The following MAP4K4 variants were observed in gnomAD, a reference collection of about 807,000 sequenced individuals.
MAP4K4 encodes the protein mitogen-activated protein kinase kinase kinase kinase 4, also known as HPK/GCK-like kinase HGK.
A neutral mutation model predicts 189.6 loss-of-function variants in MAP4K4; 38 were observed. The observed-to-expected ratio is 0.20, with a 90% CI of 0.15 to 0.26. MAP4K4 has a LOEUF of 0.26. MAP4K4 is among the 10% of genes least tolerant of loss of function. The pLI is 1.00. For missense variants in MAP4K4, 1,054 were observed against 1,726.9 expected (o/e 0.61, Z 6.91); for synonymous variants, 610 against 624.3 (o/e 0.98, Z 0.34).
chr2:101,782,733 C>G (rs572703509), intron 2 of MAP4K4, among the ~76,000 whole-genome samples: 1 of 152,092 alleles, frequency 6.6e-6, no homozygotes, highest in Non-Finnish European at 1.5e-5. Flanking sequence ...TTTAGAAGAC[C>G]GAGATGTTTC....
At chr2:101,826,233 A>G (rs553658051) in intron 5 of MAP4K4, among the ~76,000 whole-genome samples, 1 of 152,178 alleles carries the variant, frequency 6.6e-6, no homozygotes, top group Non-Finnish European at 1.5e-5. Flanking sequence ...AAAAACTTAA[A>G]GTAACTAATA....
rs187307160 is a variant in MAP4K4 at position 101,840,284 on chromosome 2, C to T, written c.949+290C>T. On this transcript the variant is annotated intron_variant, in intron 10 of 32. Coordinates refer to ENST00000324219, the Ensembl canonical transcript of MAP4K4. ...TGTTGCTGCCCATTTTACTTCCTTACGGATGTGTTCATGGTATATTTCACT... is the reference window on the plus strand; with the variant it reads ...TGTTGCTGCCCATTTTACTTCCTTATGGATGTGTTCATGGTATATTTCACT... Among the ~76,000 whole-genome samples, 380 of 152,230 alleles carry T rather than the reference C, an allele frequency of 2.5e-3. 7 individuals are homozygous for T. Among genetic ancestry groups the T allele is most frequent in the Admixed American group, 0.011 (174 of 15,282 alleles).
chr2:101,835,776 C>G lies in MAP4K4; in HGVS notation c.695-124C>G, dbSNP rs532313156. On this transcript the variant is annotated intron_variant, in intron 8 of 32. Transcript: ENST00000324219. Reference sequence around the variant, plus strand: ...AGTTCATAACTAGATGTCTAGACTGCTTGGTATGAAGCCTGTCAGTCAGAC... The same window carrying G: ...AGTTCATAACTAGATGTCTAGACTGGTTGGTATGAAGCCTGTCAGTCAGAC... 1.4e-5 allele frequency: 9 copies of G among 632,318 alleles called. No homozygotes were observed. The African/African-American group carries it at 1.6e-4, about 12-fold the overall frequency. 39.2% of individuals were successfully genotyped at this position (632,318 alleles called of 1,614,324 possible).
At chr2:101,844,439 T>G (rs941186631) in intron 12 of MAP4K4, 128 bp downstream of exon 12, 1 of 734,832 alleles carries the variant, frequency 1.4e-6, no homozygotes, top group Non-Finnish European at 2.2e-6. Context: ...CACAGCTGTT[T>G]ACATAACTTG....
rs148497412 is a variant in MAP4K4 at position 101,879,069 on chromosome 2, C to T, written c.3385+1923C>T. Among the ~76,000 whole-genome samples, 199 of 151,826 alleles carry T rather than the reference C, an allele frequency of 1.3e-3. 1 individual carries two copies. The highest frequency in any genetic ancestry group is 4.7e-3 in the African/African-American group (195 of 41,420). Reference sequence around the variant, plus strand: ...CTGAGACCAGGTGCGGTGGCGTATGCCTGTAATCCCAGCAATCTGAGAGGC... The same window carrying T: ...CTGAGACCAGGTGCGGTGGCGTATGTCTGTAATCCCAGCAATCTGAGAGGC... On this transcript the variant is annotated intron_variant, in intron 27 of 32. Transcript: ENST00000324219.
chr2:101,873,099 C>T (rs1472525804), intron 24 of MAP4K4, among the ~76,000 whole-genome samples: 2 of 152,154 alleles, frequency 1.3e-5, no homozygotes, highest in South Asian at 4.1e-4. Flanking sequence ...GTCATTTGCA[C>T]CTTTCACTAA....
At chr2:101,851,724 CT>C (rs36217584) in intron 12 of MAP4K4, among the ~76,000 whole-genome samples, 1,138 of 67,042 alleles carry the variant, frequency 0.017, no homozygotes, top group Non-Finnish European at 0.026. Context: ...TAACTGTCCT[CT>C]TTTTTTTTTT....
chr2:101,845,580 C>T (rs968590454), intron 12 of MAP4K4, among the ~76,000 whole-genome samples: 12 of 152,236 alleles, frequency 7.9e-5, no homozygotes, highest in African/African-American at 2.6e-4. Context: ...GTGCCTTATA[C>T]TGTAGGCAGT....
intron 2 of MAP4K4, among the ~76,000 whole-genome samples, chr2:101,761,934 C>T (rs1168720961): frequency 6.6e-6 from 1 of 152,142 alleles, no homozygotes; most frequent in Admixed American, 6.5e-5. Context: ...GGTGCTGAGT[C>T]AGGGCAGACA....
rs79538056 is a variant in MAP4K4, at chr2:101,888,972, A to G, written c.4071+37A>G. ...CTTATGGATTCTTTTTAGTTGCTCT[A>G]TCTTTTAATAATGGCTTGTTTTCCA... is the stretch of plus-strand genomic sequence containing the variant. On this transcript the variant is annotated intron_variant, in intron 32 of 32. Transcript: ENST00000324219. 75,912 of 1,545,076 alleles carry G rather than the reference A, an allele frequency of 0.049. 2,176 individuals are homozygous for G. Among genetic ancestry groups the G allele is most frequent in the African/African-American group, 0.12 (9,028 of 72,956 alleles).
chr2:101,698,390 C>T (rs2035823939), intron 1 of MAP4K4, 83 bp from the exon 2 acceptor site: 6 of 1,310,848 alleles, frequency 4.6e-6, no homozygotes, highest in Non-Finnish European at 2.2e-6. Context: ...TTGTCACCGC[C>T]TTTTCTCTCC....
chr2:101,727,351 A>G (rs1035799465), intron 2 of MAP4K4, among the ~76,000 whole-genome samples: 4 of 152,352 alleles, frequency 2.6e-5, no homozygotes, highest in East Asian at 1.9e-4. Context: ...TAAAGCCGCT[A>G]TGAGAGTTTA....
chr2:101,880,043 T>C (rs2098338348), intron 27 of MAP4K4, among the ~76,000 whole-genome samples: 1 of 152,212 alleles, frequency 6.6e-6, no homozygotes, highest in South Asian at 2.1e-4. Flanking sequence ...GGATTGTTGC[T>C]TGCTTATTGT....
chr2:101,742,930 C>T (rs2149795199), intron 2 of MAP4K4, among the ~76,000 whole-genome samples: 1 of 152,274 alleles, frequency 6.6e-6, no homozygotes, highest in South Asian at 2.1e-4. Flanking sequence ...ATTTTAAATT[C>T]TAAAGGGAGA....
At chr2:101,775,648 T>G (rs2150426030) in intron 2 of MAP4K4, among the ~76,000 whole-genome samples, 1 of 152,252 alleles carries the variant, frequency 6.6e-6, no homozygotes, top group South Asian at 2.1e-4. Flanking sequence ...TTGCCATCTG[T>G]TTTATTTTTC....
At chr2:101,700,523 G>T (rs2037815739) in intron 2 of MAP4K4, among the ~76,000 whole-genome samples, 1 of 152,148 alleles carries the variant, frequency 6.6e-6, no homozygotes, top group Non-Finnish European at 1.5e-5. Flanking sequence ...CTCATAAGCA[G>T]TTACATTTTT....
intron 9 of MAP4K4, 50 bp downstream of exon 9, chr2:101,836,028 C>T: frequency 7.2e-7 from 1 of 1,385,184 alleles, no homozygotes. Flanking sequence ...TTTTAAATTG[C>T]TTCTTTTTAG....
At chr2:101,701,868 ATTG>A (rs148343518) in intron 2 of MAP4K4, among the ~76,000 whole-genome samples, 36,989 of 151,900 alleles carry the variant, frequency 0.24, 5,393 homozygotes, top group Non-Finnish European at 0.31. Context: ...TTTGGATTTT[ATTG>A]TTATTTTGTT....
intron 6 of MAP4K4, among the ~76,000 whole-genome samples, chr2:101,830,370 G>A (rs2096560025): frequency 6.6e-6 from 1 of 152,078 alleles, no homozygotes; most frequent in Non-Finnish European, 1.5e-5. Flanking sequence ...TTACTCACAA[G>A]GGTTCTTTTA....
Sources: allele counts gnomAD v4.1 joint callset (sites outside exome capture counted in the v4.1 genomes callset), GRCh38; gene constraint gnomAD v4.1.1; transcripts MANE v1.5; gene names NCBI Gene and HGNC (gene_info 2026-07-23, HGNC 2026-07-21).